CMSS1: variants seen among roughly 807,000 people sequenced by gnomAD.
CMSS1 encodes cms1 ribosomal small subunit homolog.
CMSS1 carries 33 observed loss-of-function variants against 43.5 expected under a neutral mutation model. The observed-to-expected ratio is 0.76, with a 90% CI of 0.57 to 1.01. The LOEUF is 1.01. Ranked by LOEUF, CMSS1 falls within the 50% of genes least tolerant of loss-of-function variation. The pLI, the probability that CMSS1 is intolerant of heterozygous loss-of-function variation, is 0.00. For synonymous variants in CMSS1, 115 were observed against 117.2 expected (o/e 0.98, Z 0.12); for missense variants, 313 against 326.4 (o/e 0.96, Z 0.32).
At chr3:100,069,055 G>A (rs938721502) in intron 1 of CMSS1, among the ~76,000 whole-genome samples, 4 of 152,142 alleles carry the variant, frequency 2.6e-5, no homozygotes, top group Admixed American at 6.5e-5. Context: ...CTTCATAATA[G>A]ATCAGTTGAT....
chr3:99,895,381 T>TA (rs913578758), intron 1 of CMSS1, among the ~76,000 whole-genome samples: 36 of 151,756 alleles, frequency 2.4e-4, no homozygotes, highest in African/African-American at 8.0e-4. Context: ...GCAGGACTTT[T>TA]TTTTTTTTTT....
chr3:100,024,794 A>G (rs2064888468), intron 1 of CMSS1, among the ~76,000 whole-genome samples: 1 of 152,140 alleles, frequency 6.6e-6, no homozygotes. Context: ...TGCTCTCCAC[A>G]CTGTCTTCAT....
chr3:100,130,907 G>A (rs149501462), intron 1 of CMSS1, among the ~76,000 whole-genome samples: 270 of 152,302 alleles, frequency 1.8e-3, no homozygotes, highest in African/African-American at 6.2e-3. Flanking sequence ...TAAGGGGTAG[G>A]TGAAATAAGA....
intron 1 of CMSS1, among the ~76,000 whole-genome samples, chr3:100,041,691 G>C (rs969810888): frequency 2.0e-5 from 3 of 152,198 alleles, no homozygotes; most frequent in South Asian, 2.1e-4. Context: ...GGGGAAGGGG[G>C]ATAAGTGCAG....
At chr3:99,828,715 C>T (rs529600933) in intron 1 of CMSS1, among the ~76,000 whole-genome samples, 102 of 152,082 alleles carry the variant, frequency 6.7e-4, no homozygotes, top group African/African-American at 2.4e-3. Flanking sequence ...CTCAGCCTCC[C>T]AAAGTGCTGG....
intron 1 of CMSS1, among the ~76,000 whole-genome samples, chr3:100,129,903 AACTTT>A (rs1308034891): frequency 1.3e-5 from 2 of 152,246 alleles, no homozygotes; most frequent in African/African-American, 4.8e-5. Flanking sequence ...TTTCAGCTTC[AACTTT>A]ACTTTTCTTT....
At chr3:100,025,829 G>A (rs1252100981) in intron 1 of CMSS1, among the ~76,000 whole-genome samples, 1 of 152,148 alleles carries the variant, frequency 6.6e-6, no homozygotes, top group Non-Finnish European at 1.5e-5. Flanking sequence ...TTGTTGGTAA[G>A]CCCAGGGAAG....
intron 1 of CMSS1, chr3:99,848,160 C>G (rs1943452784): frequency 6.5e-7 from 1 of 1,529,500 alleles, no homozygotes; most frequent in Non-Finnish European, 8.8e-7. Flanking sequence ...AGTTCATGCA[C>G]AAACCTTCCC....
chr3:99,962,300 A>G (rs576172895), intron 1 of CMSS1, among the ~76,000 whole-genome samples: 6 of 152,284 alleles, frequency 3.9e-5, no homozygotes, highest in African/African-American at 1.4e-4. Context: ...ATGAGGTCGC[A>G]TGTGATGGGA....
At chr3:99,842,356 G>A (rs1339452324) in intron 1 of CMSS1, among the ~76,000 whole-genome samples, 1 of 152,086 alleles carries the variant, frequency 6.6e-6, no homozygotes, top group Admixed American at 6.5e-5. Context: ...GGGTGTAAGG[G>A]ATAAAAGACT....
At chr3:99,849,176 G>C (rs762954322) in intron 1 of CMSS1, 4 of 1,614,156 alleles carry the variant, frequency 2.5e-6, no homozygotes, top group Non-Finnish European at 3.4e-6. Context: ...TCCTCGTCTT[G>C]ATTCTCACTC....
At chr3:100,135,648 C>T (rs1576095537) in intron 1 of CMSS1, among the ~76,000 whole-genome samples, 1 of 143,400 alleles carries the variant, frequency 7.0e-6, no homozygotes, top group African/African-American at 3.0e-5. Flanking sequence ...ACCTCACTTC[C>T]TGTGTGCATA....
At chr3:100,015,382 T>C (rs1053563416) in intron 1 of CMSS1, among the ~76,000 whole-genome samples, 16 of 152,208 alleles carry the variant, frequency 1.1e-4, no homozygotes, top group Admixed American at 7.9e-4. Flanking sequence ...GGTGGTTTCA[T>C]ACGAATTTTA....
intron 1 of CMSS1, among the ~76,000 whole-genome samples, chr3:100,075,904 TCA>T (rs2065842868): frequency 6.6e-6 from 1 of 152,198 alleles, no homozygotes; most frequent in Non-Finnish European, 1.5e-5. Flanking sequence ...AGGATTCGAT[TCA>T]GGAGAGCTGA....
At chr3:100,148,171 C>T (rs1445276627) in intron 2 of CMSS1, among the ~76,000 whole-genome samples, 5 of 152,130 alleles carry the variant, frequency 3.3e-5, no homozygotes, top group Non-Finnish European at 7.4e-5. Flanking sequence ...CTCAACCTCC[C>T]AAATTCAAGT....
At chr3:99,845,308 CTG>C (rs1220178391) in intron 1 of CMSS1, among the ~76,000 whole-genome samples, 1 of 152,144 alleles carries the variant, frequency 6.6e-6, no homozygotes, top group Non-Finnish European at 1.5e-5. Flanking sequence ...TCATTCGAAT[CTG>C]TGATAGGATT....
rs2067113069 is a variant in CMSS1, at chr3:100,171,884, T to G, written c.564T>G (p.Phe188Leu). Reference sequence around the variant, plus strand: ...GAGACGGCAAAGTTATAAAATTATTTGCAAAGCACATAAAGGTAAGCAAGG... The same window carrying G: ...GAGACGGCAAAGTTATAAAATTATTGGCAAAGCACATAAAGGTAAGCAAGG... ...FRGDGKVIKL[F>L]AKHIKVQAQV... The change falls in exon 7 of 10, where the codon TTT becomes TTG. Residue 188 changes from phenylalanine to leucine, a missense_variant. By Grantham distance (22) the Phe-to-Leu change is conservative. Coordinates refer to ENST00000421999, the MANE Select transcript of CMSS1 (RefSeq NM_032359.4). 3 of 1,613,904 alleles carry G rather than the reference T, an allele frequency of 1.9e-6. No individual in the cohort carries two copies. The highest frequency in any genetic ancestry group is 2.2e-5 in the East Asian group (1 of 44,880).
chr3:100,030,076 A>C (rs1217335393), intron 1 of CMSS1, among the ~76,000 whole-genome samples: 1 of 152,182 alleles, frequency 6.6e-6, no homozygotes, highest in Non-Finnish European at 1.5e-5. Flanking sequence ...AGGACCTTAA[A>C]ACCCTTGTTT....
intron 1 of CMSS1, among the ~76,000 whole-genome samples, chr3:100,070,556 A>T (rs1170098664): frequency 1.3e-5 from 2 of 152,220 alleles, no homozygotes; most frequent in African/African-American, 4.8e-5. Flanking sequence ...TGGGGTTGTA[A>T]TAAGATACTG....
Sources: allele counts gnomAD v4.1 joint callset (sites outside exome capture counted in the v4.1 genomes callset), GRCh38; gene constraint gnomAD v4.1.1; transcripts MANE v1.5; gene names NCBI Gene and HGNC (gene_info 2026-07-23, HGNC 2026-07-21).